The following KARS1 variants were observed in gnomAD, a reference collection of about 807,000 sequenced individuals.
KARS1 encodes lysine--tRNA ligase.
A neutral mutation model predicts 63.9 loss-of-function variants in KARS1; 50 were observed. That is an observed-to-expected ratio of 0.78 (90% confidence interval 0.62 to 0.99). The LOEUF (loss-of-function observed/expected upper bound fraction) is 0.99. Ranked by LOEUF, KARS1 falls within the 50% of genes least tolerant of loss-of-function variation. KARS1 has a pLI of 0.00. For missense variants in KARS1, 816 were observed against 754.5 expected, an observed-to-expected ratio of 1.08 and a Z score of -0.95; for synonymous variants, 320 against 264.6, an observed-to-expected ratio of 1.21 and a Z score of -2.03.
At position 75,641,618 on chromosome 16, in the gene KARS1, G is replaced by C. The variant is rs532853648; in HGVS notation, c.168C>G (p.Thr56=). The C allele has an allele frequency of 1.2e-6, 2 of 1,613,940 alleles. No individual in the cohort carries two copies. The highest frequency in any genetic ancestry group is 8.5e-7 in the Non-Finnish European group (1 of 1,179,954). Residue 56 remains threonine (T), a synonymous_variant, in exon 2 of 14, where the codon ACC becomes ACG. Coordinates refer to ENST00000302445, the MANE Select transcript of KARS1 (RefSeq NM_005548.3). ...CCACACCATTATCAGTGGTGTGGTTGGTGGCAGCAGCAGTGGCTTGGCTTA... is the reference window on the plus strand; with the variant it reads ...CCACACCATTATCAGTGGTGTGGTTCGTGGCAGCAGCAGTGGCTTGGCTTA... ...KQLSQATAAA[T]NHTTDNGVGP...
At chr16:75,643,100 G>T (rs2082242212) in intron 1 of KARS1, among the ~76,000 whole-genome samples, 1 of 152,180 alleles carries the variant, frequency 6.6e-6, no homozygotes, top group Non-Finnish European at 1.5e-5. Context: ...ACTCTGAGCT[G>T]TTCTGTATGA....
In KARS1 at chr16:75,628,566, T is replaced by A; in HGVS notation, c.1695+3A>T. 1 of 1,613,606 alleles carries A rather than the reference T, an allele frequency of 6.2e-7. No individual in the cohort carries two copies. Among genetic ancestry groups the A allele is most frequent in the Non-Finnish European group, 8.5e-7 (1 of 1,179,946 alleles). ...GTGTGCTCTGTGGAGGGTTGCTACG[T>A]ACCTTGATGTTGTTGGAGTCCGTGA... On this transcript the variant is annotated splice_donor_region_variant and intron_variant, in intron 13 of 13. Transcript: ENST00000302445.
chr16:75,635,848 C>T, intron 5 of KARS1, 43 bp from the exon 6 acceptor site: 1 of 1,614,106 alleles, frequency 6.2e-7, no homozygotes, highest in Non-Finnish European at 8.5e-7. Context: ...TATGTCTGAT[C>T]CAAAGGTATG....
Position 75,627,860 on chromosome 16 carries a change from G to A in KARS1, c.*35C>T. On this transcript the variant is annotated 3_prime_UTR_variant, in exon 14 of 14. Coordinates refer to ENST00000302445, the MANE Select transcript of KARS1 (RefSeq NM_005548.3). ...CCTTGATCTTTCGCAGAAATGCAAA[G>A]ACGCCTGAGTTATACAACTTGCAAT... 8.3e-7 allele frequency: 1 copy of A among 1,197,726 alleles called. No individual in the cohort carries two copies. Among genetic ancestry groups the A allele is most frequent in the Non-Finnish European group, 1.2e-6 (1 of 800,396 alleles). 74.2% of individuals were successfully genotyped at this position (1,197,726 alleles called of 1,614,324 possible).
chr16:75,640,853 C>G (rs2082216479), intron 2 of KARS1, among the ~76,000 whole-genome samples: 1 of 152,172 alleles, frequency 6.6e-6, no homozygotes, highest in Non-Finnish European at 1.5e-5. Flanking sequence ...GGAAAGCAGC[C>G]TCAGAAATAC....
chr16:75,641,519 G>A, intron 2 of KARS1, 45 bp downstream of exon 2: 1 of 1,581,244 alleles, frequency 6.3e-7, no homozygotes. Context: ...AGCCTCATCA[G>A]AAGCTTTCCT....
rs35021757 is a variant in KARS1, at chr16:75,639,571, C to CAAAAA, written c.388+608_388+612dup. On this transcript the variant is annotated intron_variant, in intron 3 of 13. Transcript: ENST00000302445. ...TGGGAGACAGAGTGAGACTATATCTCAAAAAAAAAAAAAAAAAAAAAGATT... is the reference window on the plus strand; with the variant it reads ...TGGGAGACAGAGTGAGACTATATCTCAAAAAAAAAAAAAAAAAAAAAAAAAAGATT... Among the ~76,000 whole-genome samples the CAAAAA allele has an allele frequency of 1.9e-3, 148 of 79,736 alleles. 4 individuals are homozygous for CAAAAA. The highest frequency in any genetic ancestry group is 7.4e-3 in the African/African-American group (143 of 19,364). The allele number at this position is 79,736 out of a possible 152,430, so 52.3% of individuals were successfully genotyped here.
chr16:75,642,966 T>C (rs1157740506), intron 1 of KARS1: 2 of 152,234 alleles, frequency 1.3e-5, no homozygotes, highest in African/African-American at 4.8e-5. Context: ...AGGTATCTTT[T>C]AGTATCTTAA....
chr16:75,628,588 G>A lies in KARS1; in HGVS notation c.1676C>T (p.Thr559Met), dbSNP rs774447299. 26 of 1,613,870 alleles carry A rather than the reference G, an allele frequency of 1.6e-5. No individual in the cohort carries two copies. Among genetic ancestry groups the A allele is most frequent in the Admixed American group, 1.5e-4 (9 of 60,002 alleles). ...MGIDRVAMFL[T>M]DSNNIKEVLL... ...ACGTACCTTGATGTTGTTGGAGTCC[G>A]TGAGAAACATGGCGACTCGATCAAT... Residue 559 changes from threonine (T) to methionine (M), a missense_variant, in exon 13 of 14, where the codon ACG (threonine) becomes ATG (methionine). Thr to Met is a moderately conservative substitution (Grantham distance 81). Transcript: ENST00000302445.
At position 75,631,854 on chromosome 16, in the gene KARS1, A is replaced by G. The variant is rs1218451354; in HGVS notation, c.917T>C (p.Met306Thr). Residue 306 changes from methionine to threonine, a missense_variant and splice_region_variant, in exon 8 of 14, where the codon ATG becomes ACG. Transcript: ENST00000302445. ...CCGGTCGATGCCACCAACCACAAGC[A>G]TCTAACAACAACACATGGCCACGGT... ...MRIAPELYHKMLVVGGIDRVY... is the reference protein window; with the variant it reads ...MRIAPELYHKTLVVGGIDRVY... 4 of 1,613,702 alleles carry G rather than the reference A, an allele frequency of 2.5e-6. No individual in the cohort carries two copies. The highest frequency in any genetic ancestry group is 3.4e-6 in the Non-Finnish European group (4 of 1,180,034).
At position 75,633,581 on chromosome 16, in the gene KARS1, G is replaced by A. The variant is rs374742775; in HGVS notation, c.915+592C>T. ...CACCCAGGCTGGAGTGCAGTTGCAG[G>A]ATCTCGGCTCACTGCAACCTCCGCC... On this transcript the variant is annotated intron_variant, in intron 7 of 13. Transcript: ENST00000302445. Among the ~76,000 whole-genome samples, 4 of 150,508 alleles carry A rather than the reference G, an allele frequency of 2.7e-5. No homozygotes were observed. The East Asian group carries it at 5.9e-4, about 22-fold the overall frequency.
At position 75,636,543 on chromosome 16, in the gene KARS1, C is replaced by A. The variant is rs756039305; in HGVS notation, c.393G>T (p.Arg131Ser). The stretch of plus-strand genomic sequence containing the variant: ...CCCCAGAAGCTCTTTTGGCATGGAT[C>A]CTACCTAGAAAAAGAAGAGCAAAAA... The part of the protein sequence containing the change: ...LTDITLKVAG[R>S]IHAKRASGGK... The change falls in exon 4 of 14, where the codon AGG becomes AGT. Residue 131 changes from arginine (R) to serine (S), a missense_variant. Physicochemically the swap from Arg to Ser is moderately radical, Grantham distance 110. Transcript: ENST00000302445. 6.2e-7 allele frequency: 1 copy of A among 1,601,030 alleles called. No homozygotes were observed. The highest frequency in any genetic ancestry group is 1.7e-5 in the Admixed American group (1 of 59,996).
chr16:75,641,812 GC>G, intron 1 of KARS1, 89 bp from the exon 2 acceptor site: 2 of 1,390,916 alleles, frequency 1.4e-6, no homozygotes, highest in Non-Finnish European at 2.0e-6. Context: ...AACATGAATC[GC>G]CCAGGAGAAA....
chr16:75,640,895 C>A (rs564569863), intron 2 of KARS1, among the ~76,000 whole-genome samples: 3 of 152,286 alleles, frequency 2.0e-5, no homozygotes, highest in South Asian at 2.1e-4. Flanking sequence ...TGTTCCAATA[C>A]AATTTTACTA....
intron 1 of KARS1, chr16:75,647,369 C>T: frequency 3.1e-6 from 2 of 646,750 alleles, no homozygotes; most frequent in Non-Finnish European, 5.6e-6. Context: ...GAGCATCCCG[C>T]CGGTGCCAGC....
chr16:75,631,250 G>A lies in KARS1; in HGVS notation c.1256C>T (p.Thr419Ile), dbSNP rs773192982. 1.7e-5 allele frequency: 27 copies of A among 1,613,768 alleles called. No individual in the cohort carries two copies. The African/African-American group carries it at 3.3e-4, about 20-fold the overall frequency. Residue 419 changes from threonine (T) to isoleucine (I), a missense_variant, in exon 10 of 14, where the codon ACT becomes ATT. Physicochemically the swap from Thr to Ile is moderately conservative, Grantham distance 89. Coordinates refer to ENST00000302445, the MANE Select transcript of KARS1 (RefSeq NM_005548.3). The stretch of plus-strand genomic sequence containing the variant: ...ACAGATATCATCAAGAATTTTGCGA[G>A]TTTCTGGGACACAAATGCAAAAGTT... ...PETNLFETEETRKILDDICVA... is the reference protein window; with the variant it reads ...PETNLFETEEIRKILDDICVA...
In KARS1 at chr16:75,631,681, A is replaced by G; in HGVS notation, c.1078+12T>C. On this transcript the variant is annotated intron_variant, in intron 8 of 13. Transcript: ENST00000302445. ...CAACCACCCGATGAGTATGAGAGAGAGCAGGAGTCACCTGAAACCATCTTC... is the reference window on the plus strand; with the variant it reads ...CAACCACCCGATGAGTATGAGAGAGGGCAGGAGTCACCTGAAACCATCTTC... The G allele has an allele frequency of 6.2e-7, 1 of 1,614,168 alleles. No homozygotes were observed. The highest frequency in any genetic ancestry group is 8.5e-7 in the Non-Finnish European group (1 of 1,180,004).
chr16:75,643,524 C>T (rs34084576), intron 1 of KARS1, among the ~76,000 whole-genome samples: 11,320 of 151,970 alleles, frequency 0.074, 470 homozygotes, highest in Non-Finnish European at 0.087. Context: ...ACTACAGGTG[C>T]CCGCCACCAT....
intron 6 of KARS1, 135 bp downstream of exon 6, chr16:75,635,545 G>T: frequency 9.9e-7 from 1 of 1,007,564 alleles, no homozygotes; most frequent in East Asian, 2.5e-5. Flanking sequence ...CAGAGACGAT[G>T]GCAAGAAAAG....
Sources: allele counts gnomAD v4.1 joint callset (sites outside exome capture counted in the v4.1 genomes callset), GRCh38; gene constraint gnomAD v4.1.1; transcripts MANE v1.5; gene names NCBI Gene and HGNC (gene_info 2026-07-23, HGNC 2026-07-21).